The following ARHGEF12 variants were observed in gnomAD, a reference collection of about 807,000 sequenced individuals.
The protein encoded by ARHGEF12 is KMT2A/ARHGEF12 fusion protein.
In ARHGEF12, 66 loss-of-function variants were observed where a neutral mutation model predicts 211.2. That is an observed-to-expected ratio of 0.31 (90% CI 0.26 to 0.38). The LOEUF is 0.38. Among genes scored for constraint, ARHGEF12 ranks in the 10% least tolerant of loss-of-function variants. The pLI is 1.00. For missense variants in ARHGEF12, 1,429 were observed against 1,869.5 expected (o/e 0.76, Z 4.34); for synonymous variants, 592 against 638.4 (o/e 0.93, Z 1.09).
chr11:120,458,300 C>T, intron 25 of ARHGEF12, 66 bp downstream of exon 25: 1 of 1,588,730 alleles, frequency 6.3e-7, no homozygotes, highest in Non-Finnish European at 8.6e-7. Context: ...AATTAAGTCT[C>T]TCAGCCTTGG....
At chr11:120,342,655 T>TA (rs1423546245) in intron 1 of ARHGEF12, among the ~76,000 whole-genome samples, 2 of 152,200 alleles carry the variant, frequency 1.3e-5, no homozygotes, top group African/African-American at 4.8e-5. Context: ...ACTTTTATTT[T>TA]AGATAGTCTT....
Position 120,429,437 on chromosome 11 carries a change from T to C in ARHGEF12, c.586-3T>C. 2.5e-6 allele frequency: 4 copies of C among 1,608,688 alleles called. No homozygotes were observed. Among genetic ancestry groups the C allele is most frequent in the Non-Finnish European group, 3.4e-6 (4 of 1,177,292 alleles). ...GTTTGTTTTTTATCTTTTTCTTTTC[T>C]AGGAGGAAAACAATGTGGTTCATAA... On this transcript the variant is annotated splice_region_variant and splice_polypyrimidine_tract_variant and intron_variant, in intron 8 of 40. Transcript: ENST00000397843.
chr11:120,373,390 T>G (rs967655753), intron 1 of ARHGEF12, among the ~76,000 whole-genome samples: 1 of 152,226 alleles, frequency 6.6e-6, no homozygotes, highest in African/African-American at 2.4e-5. Flanking sequence ...TATACAACAT[T>G]CTGTTCTCTA....
chr11:120,461,970 C>T (rs866429747), intron 27 of ARHGEF12, among the ~76,000 whole-genome samples: 9 of 152,198 alleles, frequency 5.9e-5, no homozygotes, highest in African/African-American at 2.2e-4. Context: ...CTGATTTCAT[C>T]TTCTTTATAC....
At chr11:120,447,269 G>A in intron 18 of ARHGEF12, 184 bp downstream of exon 18, 1 of 570,552 alleles carries the variant, frequency 1.8e-6, no homozygotes, top group Non-Finnish European at 2.7e-6. Flanking sequence ...TAAATTTCTT[G>A]TGTTCCTTTT....
chr11:120,359,236 T>A (rs966043361), intron 1 of ARHGEF12, among the ~76,000 whole-genome samples: 2 of 152,062 alleles, frequency 1.3e-5, no homozygotes, highest in Non-Finnish European at 2.9e-5. Context: ...GCCCATTTTG[T>A]TTTTTTGAGA....
At chr11:120,481,076 A>G (rs929872195) in intron 38 of ARHGEF12, among the ~76,000 whole-genome samples, 184 bp from the exon 39 acceptor site, 1 of 152,176 alleles carries the variant, frequency 6.6e-6, no homozygotes, top group African/African-American at 2.4e-5. Flanking sequence ...TTACCATGAA[A>G]GTTTGCAGAG....
intron 1 of ARHGEF12, among the ~76,000 whole-genome samples, chr11:120,341,310 G>A (rs969918957): frequency 6.6e-6 from 1 of 152,074 alleles, no homozygotes; most frequent in Non-Finnish European, 1.5e-5. Context: ...CACCCGTCTC[G>A]GCCTCCCAAA....
Position 120,487,775 on chromosome 11 carries a change from G to A in ARHGEF12, c.*2698G>A, listed in dbSNP as rs1250323938. 1 of 221,526 alleles carries A rather than the reference G, an allele frequency of 4.5e-6. No individual in the cohort carries two copies. Among genetic ancestry groups the A allele is most frequent in the Non-Finnish European group, 9.0e-6 (1 of 110,798 alleles). 13.7% of individuals were successfully genotyped at this position (221,526 alleles called of 1,614,324 possible). ...GGCTTAATGGTTCCTTTGCTATGAA[G>A]TGGCAAATTACATGTAGAGTGTCTC... is the stretch of plus-strand genomic sequence containing the variant. On this transcript the variant is annotated 3_prime_UTR_variant, in exon 41 of 41. Transcript: ENST00000397843.
chr11:120,448,959 T>C, intron 20 of ARHGEF12, 150 bp from the exon 21 acceptor site: 2 of 629,466 alleles, frequency 3.2e-6, no homozygotes, highest in Non-Finnish European at 5.5e-6. Context: ...GTGCGAACTT[T>C]TAATTAGTGC....
intron 1 of ARHGEF12, among the ~76,000 whole-genome samples, chr11:120,380,731 A>G (rs1176313554): frequency 6.6e-6 from 1 of 152,122 alleles, no homozygotes; most frequent in Non-Finnish European, 1.5e-5. Flanking sequence ...TCCAACCCAC[A>G]CTTTAGGAAG....
At chr11:120,361,575 C>A (rs544483126) in intron 1 of ARHGEF12, among the ~76,000 whole-genome samples, 6 of 152,242 alleles carry the variant, frequency 3.9e-5, no homozygotes, top group Admixed American at 1.3e-4. Flanking sequence ...TGCTGCCATC[C>A]AGTTTGGGAA....
chr11:120,351,443 ATATATATATATATTTTTTT>A (rs1942958573), intron 1 of ARHGEF12, among the ~76,000 whole-genome samples: 11 of 3,766 alleles, frequency 2.9e-3, no homozygotes, highest in Admixed American at 5.7e-3. Flanking sequence ...ATATATATAT[ATATATATATATATTTTTTT>A]TTTTTTTTTT....
intron 31 of ARHGEF12, among the ~76,000 whole-genome samples, chr11:120,473,795 A>G (rs1355935093): frequency 1.3e-5 from 2 of 152,224 alleles, no homozygotes; most frequent in African/African-American, 2.4e-5. Flanking sequence ...GCTCTTCAGA[A>G]GCATAAAAGT....
chr11:120,393,573 A>AT (rs1414841547), intron 1 of ARHGEF12, among the ~76,000 whole-genome samples: 1 of 152,244 alleles, frequency 6.6e-6, no homozygotes, highest in African/African-American at 2.4e-5. Flanking sequence ...ATCAACAGGG[A>AT]TAAAAAAAGT....
intron 1 of ARHGEF12, among the ~76,000 whole-genome samples, chr11:120,401,356 C>G (rs973527524): frequency 6.6e-6 from 1 of 152,184 alleles, no homozygotes; most frequent in African/African-American, 2.4e-5. Context: ...CAGCTGGAGT[C>G]AGCACTATGT....
At chr11:120,426,523 GT>G (rs1489417953) in intron 7 of ARHGEF12, among the ~76,000 whole-genome samples, 5 of 152,134 alleles carry the variant, frequency 3.3e-5, no homozygotes, top group African/African-American at 1.2e-4. Context: ...AATCAGAGCA[GT>G]TTAGAAACAG....
At chr11:120,349,711 C>T (rs990551839) in intron 1 of ARHGEF12, among the ~76,000 whole-genome samples, 2 of 152,104 alleles carry the variant, frequency 1.3e-5, no homozygotes, top group South Asian at 2.1e-4. Context: ...CCTAGCACAT[C>T]GTAAGAGAGA....
intron 3 of ARHGEF12, chr11:120,408,490 TCTTG>T (rs772655036): frequency 1.4e-4 from 21 of 152,156 alleles, no homozygotes; most frequent in Admixed American, 2.0e-4. Flanking sequence ...TGCTTGGTAA[TCTTG>T]CTTTTTTCAT....
Sources: allele counts gnomAD v4.1 joint callset (sites outside exome capture counted in the v4.1 genomes callset), GRCh38; gene constraint gnomAD v4.1.1; transcripts MANE v1.5; gene names NCBI Gene and HGNC (gene_info 2026-07-23, HGNC 2026-07-21).